CMKLR1: variants seen among roughly 807,000 people sequenced by gnomAD.
CMKLR1 encodes chemerin-like receptor 1.
Under a neutral mutation model 8.2 loss-of-function variants are expected in CMKLR1, and 6 were observed. The observed-to-expected ratio is 0.73, with a 90% CI of 0.40 to 1.44. CMKLR1 has a LOEUF of 1.44. CMKLR1 is among the 40% of genes most tolerant of loss of function. CMKLR1 has a pLI of 0.02. For missense variants in CMKLR1, 429 were observed against 478.0 expected (o/e 0.90, Z 0.96); for synonymous variants, 178 against 181.2 (o/e 0.98, Z 0.14).
intron 1 of CMKLR1, among the ~76,000 whole-genome samples, chr12:108,336,957 T>C (rs1228161831): frequency 1.3e-5 from 2 of 152,240 alleles, no homozygotes; most frequent in Admixed American, 1.3e-4. Flanking sequence ...TCCCATTTTA[T>C]AGATGAGGAA....
chr12:108,312,360 C>G (rs778532458), intron 2 of CMKLR1, among the ~76,000 whole-genome samples: 2 of 152,218 alleles, frequency 1.3e-5, no homozygotes, highest in Non-Finnish European at 2.9e-5. Flanking sequence ...GTCCAGGCAG[C>G]ATTCCTTCCT....
In CMKLR1 at chr12:108,330,665, G is replaced by A. The variant is rs148932128; in HGVS notation, c.-286-458C>T. On this transcript the variant is annotated intron_variant, in intron 1 of 3. Coordinates refer to ENST00000550402, the MANE Select transcript of CMKLR1 (RefSeq NM_001142343.2). ...CCACCATCAGAGAGAACCCCAGCAG[G>A]GATCCAGTGGGGACCCTGGAAGGAT... 2.5e-3 allele frequency among the ~76,000 whole-genome samples: 380 copies of A among 152,346 alleles called. 3 individuals are homozygous for A. Among genetic ancestry groups the A allele is most frequent in the African/African-American group, 8.8e-3 (365 of 41,566 alleles).
intron 2 of CMKLR1, among the ~76,000 whole-genome samples, chr12:108,312,877 C>T (rs1348397451): frequency 1.3e-5 from 2 of 152,150 alleles, no homozygotes; most frequent in South Asian, 4.1e-4. Flanking sequence ...CCCCTCTGCA[C>T]AGTCTCCACA....
chr12:108,325,426 T>TA (rs1429671243), intron 2 of CMKLR1, among the ~76,000 whole-genome samples: 1 of 152,172 alleles, frequency 6.6e-6, no homozygotes, highest in East Asian at 1.9e-4. Flanking sequence ...CAGCCCTGTG[T>TA]AGACTCCTGG....
At chr12:108,324,847 T>G (rs1264686063) in intron 2 of CMKLR1, among the ~76,000 whole-genome samples, 1 of 97,810 alleles carries the variant, frequency 1.0e-5, no homozygotes, top group South Asian at 3.0e-4. Context: ...GTGGGTGGCC[T>G]GAGCATGCTT....
chr12:108,303,537 G>A (rs1287104088), intron 2 of CMKLR1, among the ~76,000 whole-genome samples: 1 of 152,210 alleles, frequency 6.6e-6, no homozygotes, highest in African/African-American at 2.4e-5. Context: ...GCTCAGGTAA[G>A]TAAGGTAGGT....
intron 2 of CMKLR1, among the ~76,000 whole-genome samples, chr12:108,325,360 G>T (rs888331953): frequency 6.6e-6 from 1 of 152,160 alleles, no homozygotes; most frequent in African/African-American, 2.4e-5. Flanking sequence ...CCACATCGTG[G>T]CTGGGGATAT....
At chr12:108,317,941 T>C (rs984797935) in intron 2 of CMKLR1, 1 of 152,258 alleles carries the variant, frequency 6.6e-6, no homozygotes, top group Admixed American at 6.5e-5. Context: ...TTCATTTCTC[T>C]CATTTTGCAT....
chr12:108,315,421 C>T (rs1008185621), intron 2 of CMKLR1, among the ~76,000 whole-genome samples: 7 of 152,302 alleles, frequency 4.6e-5, no homozygotes, highest in African/African-American at 1.7e-4. Context: ...TCTCAAAGTG[C>T]CCCAGTCAGG....
intron 1 of CMKLR1, among the ~76,000 whole-genome samples, chr12:108,331,845 C>A (rs913934895): frequency 6.6e-6 from 1 of 152,146 alleles, no homozygotes; most frequent in Non-Finnish European, 1.5e-5. Context: ...CCCCTAGGGC[C>A]TCCGGAAGAG....
At chr12:108,326,904 G>A (rs1402884229) in intron 2 of CMKLR1, among the ~76,000 whole-genome samples, 1 of 152,178 alleles carries the variant, frequency 6.6e-6, no homozygotes, top group Non-Finnish European at 1.5e-5. Context: ...CCACTGCTAT[G>A]TGCTTTTTCA....
intron 2 of CMKLR1, among the ~76,000 whole-genome samples, chr12:108,313,257 C>A (rs952476743): frequency 1.3e-5 from 2 of 151,900 alleles, no homozygotes; most frequent in African/African-American, 2.4e-5. Context: ...GGAAAAATTG[C>A]CCCCCACCCT....
chr12:108,331,808 G>A (rs1473376013), intron 1 of CMKLR1, among the ~76,000 whole-genome samples: 1 of 152,174 alleles, frequency 6.6e-6, no homozygotes, highest in Non-Finnish European at 1.5e-5. Context: ...GCCTCTAGAA[G>A]CTGGAAAAGG....
At position 108,292,367 on chromosome 12, in the gene CMKLR1, C is replaced by G; in HGVS notation, c.596G>C (p.Gly199Ala). Residue 199 changes from glycine (G) to alanine (A), a missense_variant, in exon 4 of 4, where the codon GGG becomes GCG. Transcript: ENST00000550402. ...CFNNFSLSTP[G>A]SSSWPTHSQM... ...GGAGTGAGTGGGCCACGAGGAAGAC[C>G]CAGGTGTGGACAGGCTGAAGTTGTT... 1 of 1,614,088 alleles carries G rather than the reference C, an allele frequency of 6.2e-7. No homozygotes were observed.
chr12:108,333,906 C>T (rs1432088572), intron 1 of CMKLR1, among the ~76,000 whole-genome samples: 1 of 152,284 alleles, frequency 6.6e-6, no homozygotes, highest in Non-Finnish European at 1.5e-5. Flanking sequence ...TGGTTTCGTG[C>T]TATCGCCTGA....
chr12:108,315,391 T>A (rs1891695394), intron 2 of CMKLR1, among the ~76,000 whole-genome samples: 2 of 152,194 alleles, frequency 1.3e-5, no homozygotes, highest in African/African-American at 4.8e-5. Flanking sequence ...TGTTTATGCT[T>A]CTTGTCATGT....
intron 1 of CMKLR1, among the ~76,000 whole-genome samples, chr12:108,336,955 T>A (rs1892240858): frequency 6.6e-6 from 1 of 152,256 alleles, no homozygotes; most frequent in African/African-American, 2.4e-5. Flanking sequence ...ATTCCCATTT[T>A]ATAGATGAGG....
chr12:108,293,038 ATGTT>A, intron 3 of CMKLR1, 79 bp from the exon 4 acceptor site: 3 of 1,334,198 alleles, frequency 2.2e-6, no homozygotes, highest in Non-Finnish European at 3.1e-6. Flanking sequence ...AAGACCAACA[ATGTT>A]CCCCCTGACT....
chr12:108,320,400 A>T (rs1041565102), intron 2 of CMKLR1: 1 of 152,070 alleles, frequency 6.6e-6, no homozygotes, highest in South Asian at 2.1e-4. Context: ...CTTTCTCCTG[A>T]GTGCCAGCAG....
Sources: gnomAD v4.1 joint callset for allele counts (sites outside exome capture counted in the v4.1 genomes callset) on GRCh38, gnomAD v4.1.1 for gene constraint, MANE v1.5 for transcripts, NCBI Gene and HGNC (gene_info 2026-07-23, HGNC 2026-07-21) for gene names.